Variants in OLA1 observed in about 807,000 individuals in gnomAD.
The protein encoded by OLA1 is Obg like ATPase 1.
Under a neutral mutation model 48.4 loss-of-function variants are expected in OLA1, and 14 were observed. The observed-to-expected ratio is 0.29, with a 90% confidence interval of 0.19 to 0.45. The LOEUF (loss-of-function observed/expected upper bound fraction) is 0.45, where lower values mean the gene tolerates loss of function less well. Among genes scored for constraint, OLA1 ranks in the 20% least tolerant of loss-of-function variants. The pLI is 1.00. For missense variants in OLA1, 325 were observed against 467.1 expected (o/e 0.70, Z 2.80); for synonymous variants, 127 against 150.4 (o/e 0.84, Z 1.14).
chr2:174,135,201 CAAACAGG>C (rs1686280348), intron 5 of OLA1, among the ~76,000 whole-genome samples: 1 of 149,870 alleles, frequency 6.7e-6, no homozygotes, highest in South Asian at 2.1e-4. Context: ...GGAAGAGCAC[CAAACAGG>C]TAAAGTTCTG....
rs889644997 is a variant in OLA1 at position 174,072,710 on chromosome 2, C to T, written c.*2716G>A. ...GAGCTTTGGAAATATTATACACAGA[C>T]AACTAGAGACAAACATCAAACTGGA... On this transcript the variant is annotated 3_prime_UTR_variant, in exon 11 of 11. Transcript: ENST00000284719. 1.3e-5 allele frequency: 2 copies of T among 152,110 alleles called. No homozygotes were observed. Among genetic ancestry groups the T allele is most frequent in the Non-Finnish European group, 2.9e-5 (2 of 68,038 alleles). 9.4% of individuals were successfully genotyped at this position (152,110 alleles called of 1,614,324 possible).
intron 4 of OLA1, chr2:174,217,722 C>T (rs1688399726): frequency 6.6e-6 from 1 of 152,074 alleles, no homozygotes; most frequent in Non-Finnish European, 1.5e-5. Context: ...CCGTGATCTG[C>T]TTTCTAATTA....
chr2:174,222,921 C>T, intron 4 of OLA1, 112 bp downstream of exon 4: 1 of 1,119,826 alleles, frequency 8.9e-7, no homozygotes, highest in Non-Finnish European at 1.3e-6. Context: ...CAAGATTCAT[C>T]TGGTAAAGCA....
chr2:174,195,910 A>G (rs1687868522), intron 4 of OLA1, among the ~76,000 whole-genome samples: 1 of 152,154 alleles, frequency 6.6e-6, no homozygotes, highest in African/African-American at 2.4e-5. Context: ...AAACATGTTC[A>G]GTGAAATAAT....
At chr2:174,181,522 C>T (rs1558992707) in intron 4 of OLA1, among the ~76,000 whole-genome samples, 1 of 152,058 alleles carries the variant, frequency 6.6e-6, no homozygotes, top group African/African-American at 2.4e-5. Flanking sequence ...GGATCATAGT[C>T]CTATATGACA....
rs1686591973 is a variant in OLA1 at position 174,146,126 on chromosome 2, G to A, written c.374-4126C>T. On this transcript the variant is annotated intron_variant, in intron 4 of 10. Coordinates refer to ENST00000284719, the MANE Select transcript of OLA1 (RefSeq NM_013341.5). ...AGTGCTTCAGAAAGAAATATGGTCAGTATAGGTGAACCATGGCAGGGGATG... is the reference window on the plus strand; with the variant it reads ...AGTGCTTCAGAAAGAAATATGGTCAATATAGGTGAACCATGGCAGGGGATG... 2.0e-5 allele frequency among the ~76,000 whole-genome samples: 3 copies of A among 147,430 alleles called. No homozygotes were observed. The South Asian group carries it at 6.8e-4, about 34-fold the overall frequency.
chr2:174,245,350 C>A (rs767453547), intron 2 of OLA1, among the ~76,000 whole-genome samples: 18 of 152,238 alleles, frequency 1.2e-4, no homozygotes, highest in Non-Finnish European at 1.9e-4. Flanking sequence ...GCCACACTTG[C>A]TCATGTTTTA....
chr2:174,101,952 T>C (rs564055957), intron 7 of OLA1, among the ~76,000 whole-genome samples: 11 of 152,202 alleles, frequency 7.2e-5, no homozygotes, highest in Non-Finnish European at 1.5e-4. Flanking sequence ...GTAGATTCCA[T>C]TGTGGATATT....
At chr2:174,161,246 A>G (rs1457660891) in intron 4 of OLA1, among the ~76,000 whole-genome samples, 4 of 152,226 alleles carry the variant, frequency 2.6e-5, no homozygotes, top group Non-Finnish European at 4.4e-5. Flanking sequence ...ATGAGACAAC[A>G]TAAGTTATAG....
chr2:174,115,471 A>G (rs147452918), intron 7 of OLA1, among the ~76,000 whole-genome samples: 277 of 152,374 alleles, frequency 1.8e-3, no homozygotes, highest in African/African-American at 6.3e-3. Flanking sequence ...TAGAAAATAC[A>G]TTATGGTTAT....
chr2:174,127,752 G>A (rs1686075449), intron 5 of OLA1, among the ~76,000 whole-genome samples: 1 of 152,060 alleles, frequency 6.6e-6, no homozygotes, highest in Non-Finnish European at 1.5e-5. Flanking sequence ...TTAAGTAAAT[G>A]TTCTAGGTCC....
chr2:174,136,051 T>G (rs1025072338), intron 5 of OLA1, among the ~76,000 whole-genome samples: 23 of 152,246 alleles, frequency 1.5e-4, no homozygotes, highest in African/African-American at 2.7e-4. Flanking sequence ...AAAATGCTAA[T>G]GATCATCTCT....
In OLA1 at chr2:174,246,775, G is replaced by A; in HGVS notation, c.41C>T (p.Pro14Leu). 3 of 1,612,980 alleles carry A rather than the reference G, an allele frequency of 1.9e-6. No individual in the cohort carries two copies. Among genetic ancestry groups the A allele is most frequent in the Non-Finnish European group, 2.5e-6 (3 of 1,179,276 alleles). The change falls in exon 2 of 11, where the codon CCA (proline) becomes CTA (leucine). Residue 14 changes from proline (P) to leucine (L), a missense_variant. Transcript: ENST00000284719. ...KKGGDGIKPP[P>L]IIGRFGTSLK... ...TGAGGTTCCAAATCTTCCAATGATT[G>A]GGGGTGGTTTAATTCCATCACCTCC... is the stretch of plus-strand genomic sequence containing the variant.
intron 4 of OLA1, among the ~76,000 whole-genome samples, chr2:174,183,353 C>G (rs1687589423): frequency 1.3e-5 from 2 of 152,166 alleles, no homozygotes; most frequent in Non-Finnish European, 2.9e-5. Context: ...CAGAAGAGTT[C>G]AGTCTCTCAT....
At chr2:174,146,347 C>T (rs1443370091) in intron 4 of OLA1, among the ~76,000 whole-genome samples, 1 of 151,970 alleles carries the variant, frequency 6.6e-6, no homozygotes, top group Non-Finnish European at 1.5e-5. Context: ...GAACAGATTC[C>T]AAGAGAGGAG....
At chr2:174,076,734 C>T (rs1039280824) in intron 10 of OLA1, among the ~76,000 whole-genome samples, 111 of 151,194 alleles carry the variant, frequency 7.3e-4, no homozygotes, top group African/African-American at 2.5e-3. Context: ...ACGTACCCTA[C>T]AATTAAAGGC....
intron 4 of OLA1, among the ~76,000 whole-genome samples, chr2:174,143,836 G>T (rs372764584): frequency 2.0e-5 from 3 of 147,160 alleles, no homozygotes; most frequent in East Asian, 4.0e-4. Flanking sequence ...GGGTGTGGTG[G>T]CTCACACCTG....
intron 4 of OLA1, among the ~76,000 whole-genome samples, chr2:174,220,931 T>TGG (rs753938297): frequency 3.9e-5 from 6 of 152,202 alleles, no homozygotes; most frequent in Non-Finnish European, 7.3e-5. Flanking sequence ...TATATCTGAC[T>TGG]GTTGAAATTA....
chr2:174,247,733 T>C, intron 1 of OLA1: 1 of 1,551,064 alleles, frequency 6.4e-7, no homozygotes, highest in South Asian at 1.2e-5. Context: ...GGCTCATCAG[T>C]CCTCATAAGC....
Sources: allele counts gnomAD v4.1 joint callset (sites outside exome capture counted in the v4.1 genomes callset), GRCh38; gene constraint gnomAD v4.1.1; transcripts MANE v1.5; gene names NCBI Gene and HGNC (gene_info 2026-07-23, HGNC 2026-07-21).